Variants in KDM2A observed in about 807,000 individuals in gnomAD.
The protein encoded by KDM2A is lysine-specific demethylase 2A.
Under a neutral mutation model 137.3 loss-of-function variants are expected in KDM2A, and 3 were observed. The observed-to-expected ratio is 0.02, with a 90% CI of 0.01 to 0.06. The LOEUF (loss-of-function observed/expected upper bound fraction) is 0.06. Among genes scored for constraint, KDM2A ranks in the 10% least tolerant of loss-of-function variants. The pLI is 1.00. For synonymous variants in KDM2A, 512 were observed against 541.5 expected, an observed-to-expected ratio of 0.95 and a Z score of 0.76; for missense variants, 738 against 1,510.6, an observed-to-expected ratio of 0.49 and a Z score of 8.48.
At chr11:67,190,770 A>G (rs190688183) in intron 5 of KDM2A, among the ~76,000 whole-genome samples, 4 of 152,302 alleles carry the variant, frequency 2.6e-5, no homozygotes, top group Admixed American at 6.5e-5. Flanking sequence ...AAAAAAAAAT[A>G]CTACGAACAA....
chr11:67,227,058 T>C (rs796387276), intron 10 of KDM2A, among the ~76,000 whole-genome samples: 3 of 152,340 alleles, frequency 2.0e-5, no homozygotes, highest in African/African-American at 7.2e-5. Flanking sequence ...GACTGTGATA[T>C]ATCTAAAGAG....
At chr11:67,241,150 A>G (rs983339837) in intron 12 of KDM2A, among the ~76,000 whole-genome samples, 6 of 152,168 alleles carry the variant, frequency 3.9e-5, no homozygotes, top group Admixed American at 3.9e-4. Flanking sequence ...ACTCTTCGTC[A>G]GTGCGAAGTG....
intron 2 of KDM2A, among the ~76,000 whole-genome samples, chr11:67,176,177 T>A (rs1046483500): frequency 2.0e-5 from 3 of 152,188 alleles, no homozygotes; most frequent in Admixed American, 1.3e-4. Flanking sequence ...GATTTCCCTT[T>A]TGTGTTTTTG....
At chr11:67,206,295 G>T (rs191307964) in intron 5 of KDM2A, among the ~76,000 whole-genome samples, 3 of 152,198 alleles carry the variant, frequency 2.0e-5, no homozygotes, top group Non-Finnish European at 4.4e-5. Context: ...GGCAGGCGTG[G>T]TGGCACACGG....
chr11:67,201,919 T>C (rs1309455287), intron 5 of KDM2A, among the ~76,000 whole-genome samples: 2 of 151,706 alleles, frequency 1.3e-5, no homozygotes, highest in Non-Finnish European at 2.9e-5. Context: ...CTTGCCACTC[T>C]ATTCCAGCCT....
At chr11:67,173,523 C>G (rs1328402577) in intron 2 of KDM2A, among the ~76,000 whole-genome samples, 1 of 152,032 alleles carries the variant, frequency 6.6e-6, no homozygotes, top group African/African-American at 2.4e-5. Context: ...TCCCATTGTG[C>G]TGGGATTACA....
intron 6 of KDM2A, among the ~76,000 whole-genome samples, chr11:67,209,701 C>T (rs1346702572): frequency 6.6e-6 from 1 of 152,162 alleles, no homozygotes; most frequent in African/African-American, 2.4e-5. Context: ...GTCTCAGCCT[C>T]CCAAAGTGCT....
chr11:67,132,790 T>C (rs550044140), intron 2 of KDM2A, among the ~76,000 whole-genome samples: 3 of 152,340 alleles, frequency 2.0e-5, no homozygotes, highest in Non-Finnish European at 4.4e-5. Context: ...TGGGAACATA[T>C]TAGAATGCAA....
intron 2 of KDM2A, among the ~76,000 whole-genome samples, chr11:67,176,450 A>G (rs1437511418): frequency 6.6e-6 from 1 of 152,182 alleles, no homozygotes; most frequent in Non-Finnish European, 1.5e-5. Flanking sequence ...TACCACTACC[A>G]CTGGCACATC....
intron 2 of KDM2A, among the ~76,000 whole-genome samples, chr11:67,161,570 C>T (rs899524780): frequency 5.3e-5 from 8 of 152,178 alleles, no homozygotes; most frequent in African/African-American, 1.7e-4. Flanking sequence ...GGTATTTACT[C>T]ATAGTGTGTT....
chr11:67,208,850 AG>A (rs1857892161), intron 6 of KDM2A, among the ~76,000 whole-genome samples: 1 of 151,980 alleles, frequency 6.6e-6, no homozygotes, highest in African/African-American at 2.4e-5. Context: ...AGGCTAAGAC[AG>A]GAGAATTGCT....
chr11:67,140,264 G>T (rs190197740), intron 2 of KDM2A, among the ~76,000 whole-genome samples: 3 of 152,062 alleles, frequency 2.0e-5, no homozygotes, highest in Admixed American at 6.6e-5. Flanking sequence ...TAATTGGGAG[G>T]CTGAGGTGGA....
intron 2 of KDM2A, among the ~76,000 whole-genome samples, chr11:67,141,409 G>A (rs1490172765): frequency 6.6e-6 from 1 of 151,842 alleles, no homozygotes; most frequent in East Asian, 1.9e-4. Context: ...GCTCACGCCT[G>A]TAATCCCAGC....
intron 2 of KDM2A, among the ~76,000 whole-genome samples, chr11:67,125,093 C>G (rs755455446): frequency 1.3e-5 from 2 of 151,884 alleles, no homozygotes; most frequent in Non-Finnish European, 2.9e-5. Flanking sequence ...GATCTGCTGA[C>G]CTCGTGATCC....
At chr11:67,152,105 A>G (rs905480678) in intron 2 of KDM2A, among the ~76,000 whole-genome samples, 2 of 151,412 alleles carry the variant, frequency 1.3e-5, no homozygotes, top group Non-Finnish European at 2.9e-5. Context: ...ACTTGAGCCC[A>G]GGAGTTGAAG....
At chr11:67,137,723 G>A (rs1855998061) in intron 2 of KDM2A, among the ~76,000 whole-genome samples, 1 of 152,178 alleles carries the variant, frequency 6.6e-6, no homozygotes, top group African/African-American at 2.4e-5. Flanking sequence ...AGAAGTGCTT[G>A]TGAAATATCA....
At chr11:67,217,449 T>G (rs1858201875) in intron 8 of KDM2A, 3 of 404,864 alleles carry the variant, frequency 7.4e-6, no homozygotes, top group African/African-American at 2.0e-5. Flanking sequence ...TTTAAGGGAC[T>G]GCCTAGGTAA....
chr11:67,240,276 C>T, intron 12 of KDM2A: 3 of 1,535,632 alleles, frequency 2.0e-6, no homozygotes, highest in Non-Finnish European at 2.6e-6. Context: ...TATCTAACTC[C>T]TTCAGGAGAA....
At chr11:67,188,322 A>T (rs567811066) in intron 5 of KDM2A, among the ~76,000 whole-genome samples, 2 of 151,924 alleles carry the variant, frequency 1.3e-5, no homozygotes, top group Non-Finnish European at 2.9e-5. Flanking sequence ...CTCTACTAAA[A>T]ATACAAAATA....
Sources: gnomAD v4.1 joint callset for allele counts (sites outside exome capture counted in the v4.1 genomes callset) on GRCh38, gnomAD v4.1.1 for gene constraint, MANE v1.5 for transcripts, NCBI Gene and HGNC (gene_info 2026-07-23, HGNC 2026-07-21) for gene names.